PSMA1: variants seen among roughly 807,000 people sequenced by gnomAD.
PSMA1 encodes the protein proteasome subunit alpha type-1.
PSMA1 carries 3 observed loss-of-function variants against 38.4 expected under a neutral mutation model. The ratio of observed to expected loss-of-function variants is 0.08; its 90% CI spans 0.04 to 0.20. The LOEUF is 0.20. PSMA1 is among the 10% of genes least tolerant of loss of function. PSMA1 has a pLI of 1.00. For synonymous variants in PSMA1, 101 were observed against 107.1 expected (o/e 0.94, Z 0.35); for missense variants, 227 against 325.3 (o/e 0.70, Z 2.32).
At chr11:14,520,601 T>C, upstream of PSMA1, 1 of 767,304 alleles carries the variant, frequency 1.3e-6, no homozygotes, top group Non-Finnish European at 1.9e-6. Flanking sequence ...GTAGCCCTTC[T>C]AGGTTCCTGT....
intron 2 of PSMA1, among the ~76,000 whole-genome samples, chr11:14,540,970 C>A (rs1246446931): frequency 4.6e-5 from 7 of 151,840 alleles, no homozygotes; most frequent in African/African-American, 1.5e-4. Flanking sequence ...GGATAGCATT[C>A]GGAGATATAT....
chr11:14,515,367 C>G (rs775602746), intron 4 of PSMA1, among the ~76,000 whole-genome samples: 7 of 152,086 alleles, frequency 4.6e-5, no homozygotes, highest in Non-Finnish European at 7.3e-5. Context: ...TACCTAAAAA[C>G]GTGCAATAAC....
chr11:14,524,175 G>A (rs1468003646), upstream of PSMA1, among the ~76,000 whole-genome samples: 2 of 146,514 alleles, frequency 1.4e-5, no homozygotes, highest in African/African-American at 2.5e-5. Flanking sequence ...AAGAAAGGAA[G>A]GAAAGAAAAT....
chr11:14,514,481 G>A lies in PSMA1; in HGVS notation c.265C>T (p.Arg89Cys), dbSNP rs754240757. The A allele has an allele frequency of 1.3e-6, 2 of 1,559,880 alleles. No individual in the cohort carries two copies. Among genetic ancestry groups the A allele is most frequent in the African/African-American group, 1.4e-5 (1 of 71,652 alleles). The change falls in exon 5 of 10, where the codon CGT becomes TGT. Residue 89 changes from arginine to cysteine, a missense_variant. Coordinates refer to ENST00000396394, the MANE Select transcript of PSMA1 (RefSeq NM_002786.4). ...AATCTGGAATCCAAACACTCCTGAC[G>A]CATAAAATTACTAAAAAAGAAACAA... ...ADARLLCNFMRQECLDSRFVF... is the reference protein window; with the variant it reads ...ADARLLCNFMCQECLDSRFVF...
At chr11:14,583,987 C>A (rs1852310922) in intron 2 of PSMA1, among the ~76,000 whole-genome samples, 1 of 152,208 alleles carries the variant, frequency 6.6e-6, no homozygotes, top group Admixed American at 6.5e-5. Flanking sequence ...TTATCCCCAG[C>A]AGAGCCAATT....
intron 2 of PSMA1, among the ~76,000 whole-genome samples, chr11:14,532,075 A>T (rs183257198): frequency 2.3e-4 from 34 of 151,100 alleles, no homozygotes; most frequent in African/African-American, 8.0e-4. Context: ...TACCATTTTA[A>T]TTTTTTTCAG....
intron 2 of PSMA1, among the ~76,000 whole-genome samples, chr11:14,566,830 A>C (rs889264984): frequency 1.3e-5 from 2 of 152,156 alleles, no homozygotes. Context: ...AACAACATAA[A>C]TGATAGAAGA....
intron 2 of PSMA1, among the ~76,000 whole-genome samples, chr11:14,602,099 A>C (rs1322678356): frequency 6.6e-6 from 1 of 152,238 alleles, no homozygotes; most frequent in African/African-American, 2.4e-5. Flanking sequence ...GCTCCGGCTC[A>C]GTAGAACCAT....
At chr11:14,633,368 C>T (rs1853059842) in intron 1 of PSMA1, among the ~76,000 whole-genome samples, 1 of 152,080 alleles carries the variant, frequency 6.6e-6, no homozygotes, top group Non-Finnish European at 1.5e-5. Flanking sequence ...ACAGGACCCT[C>T]AGCTGCAGGT....
rs537180392 is a variant in PSMA1 at position 14,517,671 on chromosome 11, C to G, written c.225G>C (p.Ala75=). 91 of 1,604,694 alleles carry G rather than the reference C, an allele frequency of 5.7e-5. No individual in the cohort carries two copies. Among genetic ancestry groups the G allele is most frequent in the Non-Finnish European group, 7.5e-5 (88 of 1,177,714 alleles). Residue 75 remains alanine, a synonymous_variant, in exon 4 of 10, where the codon GCG becomes GCC. Transcript: ENST00000396394. ...HVDNHIGISI[A]GLTADARLLC... ...ACAGTCTAGCATCAGCAGTAAGCCC[C>G]GCAATTGAGATACCAATATGGTTGT...
intron 2 of PSMA1, among the ~76,000 whole-genome samples, chr11:14,535,013 G>A (rs1416769262): frequency 6.6e-6 from 1 of 152,166 alleles, no homozygotes; most frequent in African/African-American, 2.4e-5. Context: ...GGCAGAGGTT[G>A]CAGTGGGCCG....
intron 1 of PSMA1, among the ~76,000 whole-genome samples, chr11:14,638,699 C>T (rs1853159307): frequency 7.1e-6 from 1 of 140,912 alleles, no homozygotes; most frequent in African/African-American, 2.7e-5. Context: ...TTGCTGCCTC[C>T]TGTAGATTGC....
chr11:14,526,913 C>G (rs1000717165), intron 2 of PSMA1, among the ~76,000 whole-genome samples: 4 of 152,152 alleles, frequency 2.6e-5, no homozygotes, highest in Non-Finnish European at 5.9e-5. Context: ...CACTCTGCCC[C>G]CCTCCACTAT....
intron 2 of PSMA1, among the ~76,000 whole-genome samples, chr11:14,529,121 CAA>C (rs34346829): frequency 2.1e-3 from 121 of 56,942 alleles, no homozygotes; most frequent in African/African-American, 4.7e-3. Flanking sequence ...GACCCTGTCT[CAA>C]AAAAAAAAAA....
intron 9 of PSMA1, 114 bp from the exon 10 acceptor site, chr11:14,505,362 C>A: frequency 1.1e-6 from 1 of 889,708 alleles, no homozygotes; most frequent in Non-Finnish European, 1.8e-6. Context: ...AAGAGATATT[C>A]TGAATACTCA....
chr11:14,622,458 G>C (rs989774891), intron 1 of PSMA1, among the ~76,000 whole-genome samples: 1 of 152,232 alleles, frequency 6.6e-6, no homozygotes, highest in Non-Finnish European at 1.5e-5. Context: ...GAGCAAGAAG[G>C]CACTAGTATG....
chr11:14,519,223 T>A, intron 1 of PSMA1, 182 bp from the exon 2 acceptor site: 1 of 663,792 alleles, frequency 1.5e-6, no homozygotes, highest in Non-Finnish European at 2.8e-6. Context: ...CATAAACTCG[T>A]GGGAGAGGGA....
chr11:14,628,054 C>A (rs1852938422), intron 1 of PSMA1, among the ~76,000 whole-genome samples: 1 of 152,198 alleles, frequency 6.6e-6, no homozygotes. Flanking sequence ...CCTGTCAGAT[C>A]AGCAGAGGCA....
At chr11:14,635,032 C>G (rs144365565) in intron 1 of PSMA1, among the ~76,000 whole-genome samples, 1 of 152,158 alleles carries the variant, frequency 6.6e-6, no homozygotes, top group Non-Finnish European at 1.5e-5. Flanking sequence ...TTTTATAGCA[C>G]AATAAAACCT....
Sources: gnomAD v4.1 joint callset for allele counts (sites outside exome capture counted in the v4.1 genomes callset) on GRCh38, gnomAD v4.1.1 for gene constraint, MANE v1.5 for transcripts, NCBI Gene and HGNC (gene_info 2026-07-23, HGNC 2026-07-21) for gene names.